LGALS9B: variants seen among roughly 807,000 people sequenced by gnomAD.
The protein encoded by LGALS9B is galectin-9B.
Under a neutral mutation model 35.9 loss-of-function variants are expected in LGALS9B, and 8 were observed. That is an observed-to-expected ratio of 0.22 (90% CI 0.13 to 0.40). The LOEUF (loss-of-function observed/expected upper bound fraction) is 0.40, where lower values mean the gene tolerates loss of function less well. LGALS9B is among the 10% of genes least tolerant of loss of function. The pLI is 1.00. For missense variants in LGALS9B, 101 were observed against 397.9 expected (o/e 0.25, Z 6.35); for synonymous variants, 42 against 148.6 (o/e 0.28, Z 5.22).
intron 3 of LGALS9B, 66 bp downstream of exon 3, chr17:20,458,117 A>G: frequency 6.7e-7 from 1 of 1,493,220 alleles, no homozygotes; most frequent in Non-Finnish European, 9.2e-7. Flanking sequence ...TTAAAAGGCC[A>G]TTCACATTCA....
At chr17:20,451,109 T>G (rs1270841236) in intron 10 of LGALS9B, among the ~76,000 whole-genome samples, 1 of 151,330 alleles carries the variant, frequency 6.6e-6, no homozygotes, top group Non-Finnish European at 1.5e-5. Context: ...GCTTCATGAC[T>G]GCGCTCCCAG....
At position 20,449,839 on chromosome 17, in the gene LGALS9B, G is replaced by C. The variant is rs1366842172; in HGVS notation, c.*134C>G. 2.1e-6 allele frequency: 1 copy of C among 475,576 alleles called. No individual in the cohort carries two copies. The highest frequency in any genetic ancestry group is 3.8e-6 in the Non-Finnish European group (1 of 262,500). The allele number at this position is 475,576 out of a possible 1,614,324, so 29.5% of individuals were successfully genotyped here. Reference sequence around the variant, plus strand: ...GTGGCTGTAGCCAGAAGCAGGACCAGATAAGGACATGGCCTCTGCATTAAA... The same window carrying C: ...GTGGCTGTAGCCAGAAGCAGGACCACATAAGGACATGGCCTCTGCATTAAA... On this transcript the variant is annotated 3_prime_UTR_variant, in exon 11 of 11. Transcript: ENST00000423676.
intron 1 of LGALS9B, among the ~76,000 whole-genome samples, chr17:20,465,906 G>A (rs1326097476): frequency 6.7e-6 from 1 of 150,180 alleles, no homozygotes; most frequent in Non-Finnish European, 1.5e-5. Flanking sequence ...AGGGTAGAGG[G>A]GAGCTCTGGA....
At chr17:20,452,024 C>T in intron 8 of LGALS9B, 141 bp from the exon 9 acceptor site, 1 of 1,354,236 alleles carries the variant, frequency 7.4e-7, no homozygotes, top group Non-Finnish European at 1.0e-6. Context: ...TCCATAAAAG[C>T]CAAAGGAAAA....
chr17:20,454,396 T>C (rs990091594), intron 5 of LGALS9B, among the ~76,000 whole-genome samples: 17 of 150,494 alleles, frequency 1.1e-4, no homozygotes, highest in Non-Finnish European at 2.4e-4. Context: ...GTTCTTGCCC[T>C]GGCTGGTATC....
rs59320210 is a variant in LGALS9B at position 20,464,093 on chromosome 17, G to GTTTT, written c.39+3335_39+3338dup. Among the ~76,000 whole-genome samples the GTTTT allele has an allele frequency of 4.9e-3, 443 of 89,794 alleles. 34 individuals carry two copies. The highest frequency in any genetic ancestry group is 0.023 in the African/African-American group (428 of 18,438). 58.9% of individuals were successfully genotyped at this position (89,794 alleles called of 152,430 possible). On this transcript the variant is annotated intron_variant, in intron 1 of 10. Transcript: ENST00000423676. ...GGGGTTTTGTTTGTTTGTTTGTTGT[G>GTTTT]TTTTTTTTTTTTTTTTTTTTTTGAG...
At chr17:20,466,849 C>G (rs185351094) in intron 1 of LGALS9B, among the ~76,000 whole-genome samples, 7 of 148,364 alleles carry the variant, frequency 4.7e-5, no homozygotes, top group Non-Finnish European at 5.9e-5. Context: ...CCTCGGGAGG[C>G]CTTCCCTGCT....
chr17:20,465,894 G>A (rs556563153), intron 1 of LGALS9B, among the ~76,000 whole-genome samples: 4 of 150,258 alleles, frequency 2.7e-5, no homozygotes, highest in East Asian at 4.0e-4. Context: ...GGGAGCCCCC[G>A]TAGGGTAGAG....
intron 1 of LGALS9B, among the ~76,000 whole-genome samples, chr17:20,465,793 G>A (rs1725687): frequency 0.34 from 44,469 of 131,258 alleles, 10,725 homozygotes; most frequent in Middle Eastern, 0.45. Context: ...ACAGTGAACC[G>A]CGTGACCTTC....
chr17:20,461,482 G>A (rs888963925), intron 1 of LGALS9B, among the ~76,000 whole-genome samples: 3 of 151,292 alleles, frequency 2.0e-5, no homozygotes, highest in Admixed American at 2.0e-4. Flanking sequence ...CTCATATCCG[G>A]TGTGGTTCTA....
chr17:20,449,941 C>T lies in LGALS9B; in HGVS notation c.*32G>A. 1 of 1,131,498 alleles carries T rather than the reference C, an allele frequency of 8.8e-7. No individual in the cohort carries two copies. 70.1% of individuals were successfully genotyped at this position (1,131,498 alleles called of 1,614,324 possible). The stretch of plus-strand genomic sequence containing the variant: ...TGAGAGGACCCCGACTGCCCCACAC[C>T]CCAGCCCCCGGCCCCAGGGCCAGGG... On this transcript the variant is annotated 3_prime_UTR_variant, in exon 11 of 11. Coordinates refer to ENST00000423676, the MANE Select transcript of LGALS9B (RefSeq NM_001367292.2).
intron 1 of LGALS9B, 87 bp downstream of exon 1, chr17:20,467,345 C>T (rs1172497173): frequency 7.7e-7 from 1 of 1,296,340 alleles, no homozygotes; most frequent in African/African-American, 1.6e-5. Flanking sequence ...ACCCCTGTCT[C>T]CTGCCACCCA....
In LGALS9B at chr17:20,451,544, A is replaced by G. The variant is rs375018266; in HGVS notation, c.861T>C (p.Ser287=). ...AVVRNTQINN[S]WGSEERSLPR... is the part of the protein sequence containing the mutation. ...GCAGACTTCGCTCCTCAGACCCCCA[A>G]GAGTTGTTGATCTGGGTGTTACGGA... Residue 287 remains serine (S), a synonymous_variant, in exon 10 of 11, where the codon TCT becomes TCC. Transcript: ENST00000423676. The G allele has an allele frequency of 5.7e-6, 9 of 1,576,568 alleles. No individual in the cohort carries two copies. The highest frequency in any genetic ancestry group is 3.1e-5 in the African/African-American group (2 of 64,622).
At chr17:20,457,302 T>G in intron 3 of LGALS9B, 1 of 82,940 alleles carries the variant, frequency 1.2e-5, no homozygotes. Flanking sequence ...TTCCAGGGTA[T>G]GAGTATAGGA....
At position 20,449,436 on chromosome 17, in the gene LGALS9B, C is replaced by G. The variant is rs1197780214; in HGVS notation, c.*537G>C. The G allele has an allele frequency of 1.3e-5, 2 of 153,248 alleles. No individual in the cohort carries two copies. Among genetic ancestry groups the G allele is most frequent in the Admixed American group, 1.3e-4 (2 of 15,816 alleles). The allele number at this position is 153,248 out of a possible 1,614,324, so 9.5% of individuals were successfully genotyped here. ...CATTTTCATTTCTTTATTTTAAGGA[C>G]ACTGGGAAAGGAGCCAGTCCCCTGA... On this transcript the variant is annotated 3_prime_UTR_variant, in exon 11 of 11. Transcript: ENST00000423676.
intron 4 of LGALS9B, among the ~76,000 whole-genome samples, chr17:20,455,920 ACTC>A (rs1212199950): frequency 6.7e-6 from 1 of 148,176 alleles, no homozygotes; most frequent in African/African-American, 2.5e-5. Context: ...CTCAGGCAGA[ACTC>A]TAATTCCTGG....
intron 9 of LGALS9B, 70 bp downstream of exon 9, chr17:20,451,725 G>C: frequency 7.5e-7 from 1 of 1,334,900 alleles, no homozygotes; most frequent in South Asian, 1.2e-5. Flanking sequence ...CCTGCCAAAA[G>C]CCAGGGGAAT....
intron 1 of LGALS9B, among the ~76,000 whole-genome samples, chr17:20,463,995 T>C (rs1280037188): frequency 3.3e-5 from 5 of 151,536 alleles, no homozygotes; most frequent in Non-Finnish European, 7.4e-5. Flanking sequence ...ATCACAAAGG[T>C]CCTATAAAAG....
At position 20,458,229 on chromosome 17, in the gene LGALS9B, C is replaced by G; in HGVS notation, c.287G>C (p.Gly96Ala). The G allele has an allele frequency of 6.2e-7, 1 of 1,613,514 alleles. No individual in the cohort carries two copies. Among genetic ancestry groups the G allele is most frequent in the Non-Finnish European group, 8.5e-7 (1 of 1,179,796 alleles). The change falls in exon 3 of 11, where the codon GGG becomes GCG. Residue 96 changes from glycine (G) to alanine (A), a missense_variant. By Grantham distance (60) the Gly-to-Ala change is moderately conservative (BLOSUM62 0). Transcript: ENST00000423676. The part of the protein sequence containing the change: ...ERKMHMPFQK[G>A]MPFDLCFLVQ... ...CAGGAAGCAGAGGTCAAAGGGCATC[C>G]CCTTCTGGAAGGGCATGTGCATCTT...
Sources: allele counts gnomAD v4.1 joint callset (sites outside exome capture counted in the v4.1 genomes callset), GRCh38; gene constraint gnomAD v4.1.1; transcripts MANE v1.5; gene names NCBI Gene and HGNC (gene_info 2026-07-23, HGNC 2026-07-21).